Variants in TBC1D2 observed in about 807,000 individuals in gnomAD.
TBC1D2 encodes TBC1 domain family member 2A.
TBC1D2 carries 58 observed loss-of-function variants against 91.1 expected under a neutral mutation model. The observed-to-expected ratio is 0.64, with a 90% CI of 0.52 to 0.79. The LOEUF (loss-of-function observed/expected upper bound fraction) is 0.79. Among genes scored for constraint, TBC1D2 ranks in the 30% least tolerant of loss-of-function variants. The pLI is 0.00. For synonymous variants in TBC1D2, 482 were observed against 511.5 expected, an observed-to-expected ratio of 0.94 and a Z score of 0.78; for missense variants, 1,080 against 1,208.3, an observed-to-expected ratio of 0.89 and a Z score of 1.57.
At chr9:98,246,463 G>A (rs570575028) in intron 2 of TBC1D2, among the ~76,000 whole-genome samples, 5 of 152,272 alleles carry the variant, frequency 3.3e-5, no homozygotes, top group Admixed American at 1.3e-4. Flanking sequence ...CCTCAAATGC[G>A]AGATCTTTGA....
At chr9:98,213,553 G>C in intron 6 of TBC1D2, 1 of 375,038 alleles carries the variant, frequency 2.7e-6, no homozygotes, top group Non-Finnish European at 4.2e-6. Context: ...GGGCAGTTGG[G>C]AAACTAAGTG....
intron 9 of TBC1D2, 135 bp downstream of exon 9, chr9:98,208,533 C>G: frequency 1.2e-6 from 1 of 817,906 alleles, no homozygotes; most frequent in Non-Finnish European, 1.9e-6. Context: ...TGGTAATGCT[C>G]TCTCGCCCAC....
At chr9:98,230,670 C>A (rs867678351) in intron 4 of TBC1D2, among the ~76,000 whole-genome samples, 1 of 152,144 alleles carries the variant, frequency 6.6e-6, no homozygotes. Flanking sequence ...TGGTGGCTCA[C>A]GCCTGTAATC....
chr9:98,240,572 G>C (rs752217113), intron 3 of TBC1D2, among the ~76,000 whole-genome samples: 25 of 152,308 alleles, frequency 1.6e-4, no homozygotes, highest in Non-Finnish European at 2.6e-4. Context: ...GAGTTGGAGA[G>C]GGACACAGGG....
rs1224561209 is a variant in TBC1D2, at chr9:98,200,267, G to T, written c.2565C>A (p.Thr855=). 1 of 1,613,726 alleles carries T rather than the reference G, an allele frequency of 6.2e-7. No individual in the cohort carries two copies. Among genetic ancestry groups the T allele is most frequent in the Non-Finnish European group, 8.5e-7 (1 of 1,179,966 alleles). The change falls in exon 12 of 13, where the codon ACC becomes ACA. Residue 855 remains threonine, a synonymous_variant. Transcript: ENST00000465784. ...GGGTTCCTCACCGGCTGTTGGAGATGGTCTTGGTGAAGAAGCGCAGGTACT... is the reference window on the plus strand; with the variant it reads ...GGGTTCCTCACCGGCTGTTGGAGATTGTCTTGGTGAAGAAGCGCAGGTACT... ...IYQYLRFFTK[T]ISNSRKLMNI... is the part of the protein sequence containing the mutation.
chr9:98,201,455 GCC>G, intron 11 of TBC1D2, 22 bp downstream of exon 11: 1 of 1,606,674 alleles, frequency 6.2e-7, no homozygotes, highest in East Asian at 2.2e-5. Context: ...GGGGCCCCCT[GCC>G]CATCCCCTGG....
chr9:98,218,521 C>A (rs76136069), intron 6 of TBC1D2, among the ~76,000 whole-genome samples: 15,419 of 151,870 alleles, frequency 0.1, 982 homozygotes, highest in East Asian at 0.21. Context: ...GAGCCGAGAC[C>A]GCGCCACTGC....
intron 8 of TBC1D2, 32 bp from the exon 9 acceptor site, chr9:98,209,176 T>C: frequency 6.3e-7 from 1 of 1,587,776 alleles, no homozygotes; most frequent in Non-Finnish European, 8.6e-7. Context: ...AGCAACACCT[T>C]GCAGAGCCCT....
intron 5 of TBC1D2, among the ~76,000 whole-genome samples, chr9:98,224,332 G>C (rs1442193089): frequency 6.8e-6 from 1 of 146,034 alleles, no homozygotes; most frequent in African/African-American, 2.6e-5. Context: ...GCCCAGGCTG[G>C]AGTGCAGTGG....
intron 11 of TBC1D2, among the ~76,000 whole-genome samples, chr9:98,200,917 G>C (rs1426257778): frequency 6.6e-6 from 1 of 151,982 alleles, no homozygotes; most frequent in East Asian, 1.9e-4. Flanking sequence ...TCCGGAGGTT[G>C]AGGCAGGAGA....
intron 3 of TBC1D2, among the ~76,000 whole-genome samples, chr9:98,239,767 G>A (rs1291939594): frequency 6.6e-6 from 1 of 151,346 alleles, no homozygotes; most frequent in Non-Finnish European, 1.5e-5. Context: ...TTAAATATTT[G>A]GTGGACTTCA....
chr9:98,218,333 G>A (rs1250471693), intron 6 of TBC1D2, among the ~76,000 whole-genome samples: 2 of 151,994 alleles, frequency 1.3e-5, no homozygotes, highest in South Asian at 2.1e-4. Context: ...TTGGGAGGCC[G>A]AGGCAGGCAG....
intron 6 of TBC1D2, among the ~76,000 whole-genome samples, chr9:98,218,898 C>T (rs770996812): frequency 6.6e-5 from 10 of 152,164 alleles, no homozygotes; most frequent in South Asian, 2.1e-4. Context: ...CAGTGGATTC[C>T]GGCAGTATGG....
chr9:98,243,967 T>TA (rs1250257223), intron 3 of TBC1D2, 27 bp downstream of exon 3: 8 of 1,586,298 alleles, frequency 5.0e-6, no homozygotes, highest in African/African-American at 2.7e-5. Flanking sequence ...GCAGCTTGGC[T>TA]AGCCCCTCAG....
At chr9:98,235,701 G>T in intron 3 of TBC1D2, 1 of 286,936 alleles carries the variant, frequency 3.5e-6, no homozygotes, top group South Asian at 3.1e-5. Flanking sequence ...TTTCTCATGT[G>T]CATTGCTGAA....
At chr9:98,225,635 G>C (rs28524952) in intron 5 of TBC1D2, among the ~76,000 whole-genome samples, 10,956 of 152,266 alleles carry the variant, frequency 0.072, 547 homozygotes, top group Middle Eastern at 0.1. Context: ...TGAGCATGCA[G>C]ACACTCTGAG....
Position 98,244,881 on chromosome 9 carries a change from G to A in TBC1D2, c.512-752C>T, listed in dbSNP as rs113263120. On this transcript the variant is annotated intron_variant, in intron 2 of 12. Transcript: ENST00000465784. ...CGGAATATTAATCATTCAAAACAAT[G>A]TGAATAAATACTTATAAACAGGGAA... Among the ~76,000 whole-genome samples, 661 of 152,176 alleles carry A rather than the reference G, an allele frequency of 4.3e-3. 4 individuals carry two copies. Among genetic ancestry groups the A allele is most frequent in the African/African-American group, 0.015 (639 of 41,512 alleles).
chr9:98,217,927 G>A (rs1490636727), intron 6 of TBC1D2, among the ~76,000 whole-genome samples: 3 of 151,938 alleles, frequency 2.0e-5, no homozygotes, highest in African/African-American at 7.3e-5. Flanking sequence ...TGTTGCCTAG[G>A]CTGGTCATGA....
Position 98,246,815 on chromosome 9 carries a change from C to A in TBC1D2, c.512-2686G>T, listed in dbSNP as rs547816344. 3.3e-5 allele frequency among the ~76,000 whole-genome samples: 5 copies of A among 152,048 alleles called. No homozygotes were observed. In the South Asian group the frequency reaches 1.0e-3, roughly 32 times the overall value. ...ACAGTAAGGGGTTTCAGACCCAGAG[C>A]TGAGTTTGCGGGGAGGAAGCTGGGA... On this transcript the variant is annotated intron_variant, in intron 2 of 12. Transcript: ENST00000465784.
Sources: allele counts gnomAD v4.1 joint callset (sites outside exome capture counted in the v4.1 genomes callset), GRCh38; gene constraint gnomAD v4.1.1; transcripts MANE v1.5; gene names NCBI Gene and HGNC (gene_info 2026-07-23, HGNC 2026-07-21).